ERC1: variants seen among roughly 807,000 people sequenced by gnomAD.
ERC1 encodes the protein RAB6 interacting protein 2.
A neutral mutation model predicts 132.0 loss-of-function variants in ERC1; 56 were observed. The observed-to-expected ratio is 0.42, with a 90% confidence interval of 0.34 to 0.53. The LOEUF (loss-of-function observed/expected upper bound fraction) is 0.53, where lower values mean the gene tolerates loss of function less well. ERC1 is among the 20% of genes least tolerant of loss of function. ERC1 has a pLI of 0.03. For missense variants in ERC1, 1,202 were observed against 1,349.9 expected (o/e 0.89, Z 1.72); for synonymous variants, 478 against 476.1 (o/e 1.00, Z -0.05).
intron 7 of ERC1, among the ~76,000 whole-genome samples, chr12:1,132,742 GAA>G (rs1948885452): frequency 6.6e-6 from 1 of 152,064 alleles, no homozygotes; most frequent in Non-Finnish European, 1.5e-5. Flanking sequence ...ATGCTTAGAA[GAA>G]CTGAGAGACA....
At chr12:1,406,551 A>G (rs1000162647) in intron 16 of ERC1, among the ~76,000 whole-genome samples, 2 of 152,202 alleles carry the variant, frequency 1.3e-5, no homozygotes, top group Non-Finnish European at 2.9e-5. Flanking sequence ...GACTAAATGG[A>G]TACACCTAAA....
intron 18 of ERC1, among the ~76,000 whole-genome samples, chr12:1,447,870 G>A (rs934479100): frequency 3.9e-5 from 6 of 152,080 alleles, no homozygotes; most frequent in Non-Finnish European, 7.4e-5. Context: ...GTCTGGTCTC[G>A]AACTCCTGAG....
At chr12:1,002,716 C>G (rs73606375) in intron 1 of ERC1, among the ~76,000 whole-genome samples, 2,601 of 152,144 alleles carry the variant, frequency 0.017, 77 homozygotes, top group African/African-American at 0.059. Flanking sequence ...TTTAGCCGTT[C>G]TGGTGGATTT....
chr12:1,304,779 CTTTTTT>C (rs1186965322), intron 15 of ERC1, among the ~76,000 whole-genome samples: 170 of 70,052 alleles, frequency 2.4e-3, no homozygotes, highest in African/African-American at 7.5e-3. Context: ...TGTTGTAACT[CTTTTTT>C]TTTTTTTTTT....
At chr12:1,045,919 A>G (rs1295870388) in intron 2 of ERC1, among the ~76,000 whole-genome samples, 1 of 152,140 alleles carries the variant, frequency 6.6e-6, no homozygotes, top group Non-Finnish European at 1.5e-5. Flanking sequence ...TGATCAGTTG[A>G]GAAGATGATA....
intron 7 of ERC1, among the ~76,000 whole-genome samples, chr12:1,122,517 GT>G (rs1482619560): frequency 2.2e-3 from 10 of 4,604 alleles, no homozygotes; most frequent in South Asian, 0.036. Flanking sequence ...CTCTATCTGT[GT>G]CTCTATCTCT....
chr12:1,120,160 T>A (rs1310858594), intron 7 of ERC1, among the ~76,000 whole-genome samples: 1 of 152,004 alleles, frequency 6.6e-6, no homozygotes, highest in African/African-American at 2.4e-5. Flanking sequence ...GCTGATTTTT[T>A]AATTTGTATT....
In ERC1 at chr12:1,491,680, C is replaced by T. The variant is rs1237859389; in HGVS notation, c.*1450C>T. ...GTTTGTTATTGCCCTTAGAGGGGCT[C>T]TGAGTATCTACTTGTGGGTGGCCAT... On this transcript the variant is annotated 3_prime_UTR_variant, in exon 19 of 19. Coordinates refer to ENST00000360905, the MANE Select transcript of ERC1 (RefSeq NM_178040.4). The T allele has an allele frequency of 4.3e-6, 1 of 230,584 alleles. No individual in the cohort carries two copies. The highest frequency in any genetic ancestry group is 5.6e-5 in the Admixed American group (1 of 17,704). The allele number at this position is 230,584 out of a possible 1,614,324, so 14.3% of individuals were successfully genotyped here.
chr12:1,098,292 A>G (rs990572138), intron 3 of ERC1, among the ~76,000 whole-genome samples: 1 of 152,220 alleles, frequency 6.6e-6, no homozygotes, highest in African/African-American at 2.4e-5. Flanking sequence ...GGTCAAAGTG[A>G]GAAGTATAAT....
rs1171460973 is a variant in ERC1 at position 1,196,953 on chromosome 12, CACACACACATAT to C, written c.2351+6903_2351+6914del. ...ACACACACACACACACACACACACA[CACACACACATAT>C]ATATATATATATTTTTTTTTTTTTT... On this transcript the variant is annotated intron_variant, in intron 12 of 18. Coordinates refer to ENST00000360905, the MANE Select transcript of ERC1 (RefSeq NM_178040.4). Among the ~76,000 whole-genome samples the C allele has an allele frequency of 5.1e-3, 170 of 33,240 alleles. 6 individuals are homozygous for C. Among genetic ancestry groups the C allele is most frequent in the African/African-American group, 0.032 (77 of 2,386 alleles). 21.8% of individuals were successfully genotyped at this position (33,240 alleles called of 152,430 possible).
intron 15 of ERC1, among the ~76,000 whole-genome samples, chr12:1,324,339 C>A (rs902382634): frequency 2.0e-5 from 3 of 152,202 alleles, no homozygotes; most frequent in South Asian, 2.1e-4. Context: ...GGAAAAGAAC[C>A]CAGACAGAAG....
At chr12:1,049,681 G>T (rs1971596830) in intron 2 of ERC1, among the ~76,000 whole-genome samples, 1 of 151,526 alleles carries the variant, frequency 6.6e-6, no homozygotes, top group East Asian at 1.9e-4. Context: ...ATAGAGGTTG[G>T]TTATCATTGG....
intron 15 of ERC1, among the ~76,000 whole-genome samples, chr12:1,339,792 G>C (rs79506008): frequency 1.4e-3 from 216 of 152,268 alleles, no homozygotes; most frequent in African/African-American, 5.0e-3. Context: ...CTCAGGGTTG[G>C]GGAGGGTCTG....
At chr12:1,180,791 T>G (rs1456192049) in intron 9 of ERC1, 114 bp downstream of exon 9, 3 of 1,286,602 alleles carry the variant, frequency 2.3e-6, no homozygotes, top group Non-Finnish European at 3.3e-6. Context: ...AGCTGCTGTG[T>G]GCTATTGCTG....
At chr12:1,442,949 T>C (rs1233482990) in intron 17 of ERC1, among the ~76,000 whole-genome samples, 1 of 152,168 alleles carries the variant, frequency 6.6e-6, no homozygotes, top group Non-Finnish European at 1.5e-5. Context: ...GCTCTATCGC[T>C]CAGGCTGGAG....
At chr12:1,225,471 C>CACACAG (rs2074501565) in intron 12 of ERC1, among the ~76,000 whole-genome samples, 1 of 151,712 alleles carries the variant, frequency 6.6e-6, no homozygotes, top group African/African-American at 2.4e-5. Flanking sequence ...CACACACACA[C>CACACAG]ACACACACAC....
rs1165099389 is a variant in ERC1 at position 1,402,840 on chromosome 12, C to T, written c.2926-5309C>T. On this transcript the variant is annotated intron_variant, in intron 16 of 18. Coordinates refer to ENST00000360905, the MANE Select transcript of ERC1 (RefSeq NM_178040.4). ...TTAACAGTGACTTAATCTGATGTCC[C>T]TTCAGACTTCTATTACTAAAGAATT... 2.0e-5 allele frequency among the ~76,000 whole-genome samples: 3 copies of T among 152,260 alleles called. No individual in the cohort carries two copies. The East Asian group carries it at 5.8e-4, about 29-fold the overall frequency.
At chr12:1,180,797 T>A (rs1954365159) in intron 9 of ERC1, 120 bp downstream of exon 9, 1 of 1,215,904 alleles carries the variant, frequency 8.2e-7, no homozygotes, top group African/African-American at 1.9e-5. Context: ...TGTGTGCTAT[T>A]GCTGACATAC....
At position 1,103,077 on chromosome 12, in the gene ERC1, G is replaced by C. The variant is rs76579542; in HGVS notation, c.1087-1673G>C. On this transcript the variant is annotated intron_variant, in intron 3 of 18. Coordinates refer to ENST00000360905, the MANE Select transcript of ERC1 (RefSeq NM_178040.4). ...TGGCATGACGTCATTTTCCTCTGCAGACTTTAATATGCGTCTCTAAAATAT... is the reference window on the plus strand; with the variant it reads ...TGGCATGACGTCATTTTCCTCTGCACACTTTAATATGCGTCTCTAAAATAT... Among the ~76,000 whole-genome samples the C allele has an allele frequency of 1.1e-4, 17 of 152,234 alleles. No homozygotes were observed. The East Asian group carries it at 3.3e-3, about 29-fold the overall frequency.
Sources: allele counts gnomAD v4.1 joint callset (sites outside exome capture counted in the v4.1 genomes callset), GRCh38; gene constraint gnomAD v4.1.1; transcripts MANE v1.5; gene names NCBI Gene and HGNC (gene_info 2026-07-23, HGNC 2026-07-21).